Variants in PCDHA13 observed in about 807,000 individuals in gnomAD.
PCDHA13 encodes protocadherin alpha-13.
In PCDHA13, 54 loss-of-function variants were observed where a neutral mutation model predicts 64.8. The ratio of observed to expected loss-of-function variants is 0.83; its 90% confidence interval spans 0.67 to 1.04. The LOEUF (loss-of-function observed/expected upper bound fraction) is 1.04. Among genes scored for constraint, PCDHA13 ranks in the 50% least tolerant of loss-of-function variants. The pLI, the probability that PCDHA13 is intolerant of heterozygous loss-of-function variation, is 0.00. For missense variants in PCDHA13, 1,248 were observed against 1,254.3 expected (o/e 0.99, Z 0.08); for synonymous variants, 587 against 564.4 (o/e 1.04, Z -0.57).
At chr5:140,962,710 T>C (rs2095702479) in intron 1 of PCDHA13, among the ~76,000 whole-genome samples, 1 of 152,246 alleles carries the variant, frequency 6.6e-6, no homozygotes, top group South Asian at 2.1e-4. Context: ...ATAATCATAT[T>C]GGAAAGTATT....
intron 3 of PCDHA13, among the ~76,000 whole-genome samples, chr5:140,984,886 C>A (rs1254649508): frequency 1.3e-5 from 2 of 151,720 alleles, no homozygotes; most frequent in Non-Finnish European, 2.9e-5. Context: ...ACCATGAGAA[C>A]TAAAGGAGAA....
chr5:140,900,752 T>C lies in PCDHA13; in HGVS notation c.2394+16090T>C, dbSNP rs565842266. On this transcript the variant is annotated intron_variant, in intron 1 of 3. Coordinates refer to ENST00000289272, the MANE Select transcript of PCDHA13 (RefSeq NM_018904.3). ...GCAGTGGGATTTCTGGATCACTTGG[T>C]AGCTCTATTTTTGGCTTTTTGAGGA... Among the ~76,000 whole-genome samples, 3 of 152,272 alleles carry C rather than the reference T, an allele frequency of 2.0e-5. No homozygotes were observed. In the East Asian group the frequency reaches 5.8e-4, roughly 29 times the overall value.
Position 140,882,507 on chromosome 5 carries a change from A to G in PCDHA13, c.239A>G (p.Gln80Arg). 1 of 1,614,182 alleles carries G rather than the reference A, an allele frequency of 6.2e-7. No homozygotes were observed. The highest frequency in any genetic ancestry group is 8.5e-7 in the Non-Finnish European group (1 of 1,180,048). ...RHGDLLEVNL[Q>R]NGILFVNSRI... ...GGGGACCTTCTGGAGGTAAATCTGC[A>G]GAATGGCATTTTGTTTGTGAATTCT... Residue 80 changes from glutamine (Q) to arginine (R), a missense_variant, in exon 1 of 4, where the codon CAG becomes CGG. Transcript: ENST00000289272.
At chr5:140,913,394 A>G (rs2076316460) in intron 1 of PCDHA13, among the ~76,000 whole-genome samples, 1 of 152,204 alleles carries the variant, frequency 6.6e-6, no homozygotes, top group Non-Finnish European at 1.5e-5. Flanking sequence ...CATAGCCACT[A>G]ATGATCCTTT....
intron 1 of PCDHA13, among the ~76,000 whole-genome samples, chr5:140,976,377 C>T (rs1472568038): frequency 2.0e-5 from 3 of 151,896 alleles, no homozygotes; most frequent in Admixed American, 6.6e-5. Flanking sequence ...ATGGTGAAAC[C>T]CCATCTCTAC....
At chr5:140,895,671 T>C (rs1014778982) in intron 1 of PCDHA13, among the ~76,000 whole-genome samples, 5 of 152,184 alleles carry the variant, frequency 3.3e-5, no homozygotes, top group African/African-American at 4.8e-5. Context: ...GAACATGTAG[T>C]ATTTGGTTTT....
chr5:140,988,119 A>T (rs1238767411), intron 3 of PCDHA13, among the ~76,000 whole-genome samples: 1 of 152,174 alleles, frequency 6.6e-6, no homozygotes, highest in Non-Finnish European at 1.5e-5. Context: ...TTTAGAAAGC[A>T]TGCTGTTCCA....
At chr5:140,926,178 G>GC (rs1221259064) in intron 1 of PCDHA13, among the ~76,000 whole-genome samples, 2 of 151,700 alleles carry the variant, frequency 1.3e-5, no homozygotes, top group Non-Finnish European at 2.9e-5. Flanking sequence ...AGCGCGGAAA[G>GC]CCCCCCGCAG....
At chr5:140,970,243 T>C (rs1554232347) in intron 1 of PCDHA13, among the ~76,000 whole-genome samples, 1 of 152,252 alleles carries the variant, frequency 6.6e-6, no homozygotes, top group Non-Finnish European at 1.5e-5. Flanking sequence ...TGATTTTCTG[T>C]TGACAGTTTC....
At chr5:140,903,515 G>T (rs542642607) in intron 1 of PCDHA13, among the ~76,000 whole-genome samples, 1 of 152,244 alleles carries the variant, frequency 6.6e-6, no homozygotes, top group Non-Finnish European at 1.5e-5. Context: ...TAGTTCTATT[G>T]TGTTGTTCAC....
At chr5:140,890,226 G>C (rs1339541830) in intron 1 of PCDHA13, among the ~76,000 whole-genome samples, 7 of 152,100 alleles carry the variant, frequency 4.6e-5, no homozygotes, top group Admixed American at 4.6e-4. Context: ...AGACCTAGTT[G>C]TTAAGCATTT....
In PCDHA13 at chr5:140,927,522, A is replaced by G. The variant is rs1292484442; in HGVS notation, c.2394+42860A>G. On this transcript the variant is annotated intron_variant, in intron 1 of 3. Coordinates refer to ENST00000289272, the MANE Select transcript of PCDHA13 (RefSeq NM_018904.3). ...TGCTTACAGCTCGGGACGGCGGGCT[A>G]CCTGCCCGCTCAGGAGACGCACAAG... 5.6e-6 allele frequency: 9 copies of G among 1,614,088 alleles called. No homozygotes were observed. In the South Asian group the frequency reaches 9.9e-5, roughly 18 times the overall value.
rs1554263662 is a variant in PCDHA13 at position 141,011,810 on chromosome 5, G to A, written c.*1873G>A. The A allele has an allele frequency of 6.5e-6, 1 of 153,716 alleles. No individual in the cohort carries two copies. The highest frequency in any genetic ancestry group is 1.9e-4 in the East Asian group (1 of 5,198). 9.5% of individuals were successfully genotyped at this position (153,716 alleles called of 1,614,324 possible). ...ATGGTATCTGAAATATCAGCTCATA[G>A]AAAGTAACAAAATTTGCTGTCACCT... On this transcript the variant is annotated 3_prime_UTR_variant, in exon 4 of 4. Coordinates refer to ENST00000289272, the MANE Select transcript of PCDHA13 (RefSeq NM_018904.3).
At position 140,917,332 on chromosome 5, in the gene PCDHA13, G is replaced by T. The variant is rs182473611; in HGVS notation, c.2394+32670G>T. Among the ~76,000 whole-genome samples the T allele has an allele frequency of 8.2e-3, 1,196 of 145,640 alleles. 67 individuals carry two copies. The highest frequency in any genetic ancestry group is 0.021 in the African/African-American group (776 of 37,840). On this transcript the variant is annotated intron_variant, in intron 1 of 3. Transcript: ENST00000289272. ...ATTTGGTGTTCATGTGGCGGGGGAG[G>T]GGGGGGATGGTGTAGGCTTCTGTTC... is the stretch of plus-strand genomic sequence containing the variant.
chr5:140,917,669 C>G (rs555314392), intron 1 of PCDHA13, among the ~76,000 whole-genome samples: 2 of 152,140 alleles, frequency 1.3e-5, no homozygotes, highest in Non-Finnish European at 2.9e-5. Context: ...AGTCCTTTCT[C>G]CATTGCTTGT....
intron 3 of PCDHA13, among the ~76,000 whole-genome samples, chr5:140,987,219 A>G (rs1340141684): frequency 6.6e-6 from 1 of 151,240 alleles, no homozygotes; most frequent in African/African-American, 2.5e-5. Flanking sequence ...ATCTCAAAAA[A>G]AAAAAAAATA....
intron 1 of PCDHA13, among the ~76,000 whole-genome samples, chr5:140,908,850 C>T (rs1234928966): frequency 6.6e-6 from 1 of 152,160 alleles, no homozygotes; most frequent in Non-Finnish European, 1.5e-5. Flanking sequence ...GTAACATACC[C>T]AAATGAGGAA....
intron 1 of PCDHA13, among the ~76,000 whole-genome samples, chr5:140,960,384 A>G (rs1204813293): frequency 6.6e-6 from 1 of 152,198 alleles, no homozygotes. Flanking sequence ...GTGCCAAGAC[A>G]TTAGGATGCA....
At chr5:140,946,872 T>C (rs983892070) in intron 1 of PCDHA13, among the ~76,000 whole-genome samples, 7 of 151,402 alleles carry the variant, frequency 4.6e-5, no homozygotes, top group Admixed American at 1.3e-4. Flanking sequence ...GGTTGGTCAA[T>C]GGGTACGAAG....
Sources: allele counts gnomAD v4.1 joint callset (sites outside exome capture counted in the v4.1 genomes callset), GRCh38; gene constraint gnomAD v4.1.1; transcripts MANE v1.5; gene names NCBI Gene and HGNC (gene_info 2026-07-23, HGNC 2026-07-21).